The following PREP variants were observed in gnomAD, a reference collection of about 807,000 sequenced individuals.
PREP encodes the protein dJ355L5.1 (prolyl endopeptidase).
In PREP, 29 loss-of-function variants were observed where a neutral mutation model predicts 87.6. The observed-to-expected ratio is 0.33, with a 90% CI of 0.25 to 0.45. PREP has a LOEUF of 0.45. PREP is among the 20% of genes least tolerant of loss of function. PREP has a pLI of 1.00. For missense variants in PREP, 695 were observed against 886.5 expected, an observed-to-expected ratio of 0.78 and a Z score of 2.74; for synonymous variants, 337 against 328.6, an observed-to-expected ratio of 1.03 and a Z score of -0.28.
intron 10 of PREP, among the ~76,000 whole-genome samples, chr6:105,293,496 G>C (rs1770343284): frequency 6.6e-6 from 1 of 151,638 alleles, no homozygotes; most frequent in Non-Finnish European, 1.5e-5. Flanking sequence ...GAAGTATTTT[G>C]AGAATTATCA....
intron 13 of PREP, 140 bp downstream of exon 13, chr6:105,282,311 G>T: frequency 9.7e-7 from 1 of 1,027,108 alleles, no homozygotes; most frequent in Non-Finnish European, 1.4e-6. Flanking sequence ...AAATACAAAT[G>T]GTACAAATGG....
intron 7 of PREP, among the ~76,000 whole-genome samples, chr6:105,338,756 G>A (rs1177714862): frequency 1.3e-5 from 2 of 152,208 alleles, no homozygotes; most frequent in East Asian, 3.8e-4. Context: ...CCCCTGGCTC[G>A]GAGGGTCCCA....
intron 8 of PREP, among the ~76,000 whole-genome samples, chr6:105,329,718 C>A (rs1045878216): frequency 6.6e-6 from 1 of 152,196 alleles, no homozygotes; most frequent in African/African-American, 2.4e-5. Flanking sequence ...TTGTTATCCA[C>A]CAGATTCCCT....
In PREP at chr6:105,278,560, G is replaced by A; in HGVS notation, c.1839-122C>T. On this transcript the variant is annotated intron_variant, in intron 14 of 14. Coordinates refer to ENST00000652536, the MANE Select transcript of PREP (RefSeq NM_002726.5). This position sits in a 1 kb window ranked among gnomAD's most constrained non-coding sequence, Gnocchi z 4.2. ...AACTAGTACGTGAGTGACCACCATG[G>A]ACTGTGCCTATGCGTTACCATTTAG... 1 of 1,028,968 alleles carries A rather than the reference G, an allele frequency of 9.7e-7. No individual in the cohort carries two copies. Among genetic ancestry groups the A allele is most frequent in the East Asian group, 2.5e-5 (1 of 39,650 alleles). The allele number at this position is 1,028,968 out of a possible 1,614,324, so 63.7% of individuals were successfully genotyped here.
intron 7 of PREP, among the ~76,000 whole-genome samples, chr6:105,347,555 T>C (rs1019496484): frequency 2.0e-5 from 3 of 152,252 alleles, no homozygotes; most frequent in South Asian, 2.1e-4. Flanking sequence ...AATGTATTTA[T>C]ATTTTTAAGG....
At chr6:105,329,826 G>A (rs911532587) in intron 8 of PREP, among the ~76,000 whole-genome samples, 24 of 152,218 alleles carry the variant, frequency 1.6e-4, no homozygotes, top group African/African-American at 5.8e-4. Context: ...ACAAGGATAA[G>A]TGACTGGTGG....
At chr6:105,369,108 C>T (rs1361486294) in intron 5 of PREP, 84 bp from the exon 6 acceptor site, 2 of 1,421,200 alleles carry the variant, frequency 1.4e-6, no homozygotes, top group Non-Finnish European at 1.9e-6. Context: ...ATGCTAGACA[C>T]ATTTAACAAG....
intron 10 of PREP, among the ~76,000 whole-genome samples, chr6:105,305,865 G>A (rs185520441): frequency 8.9e-4 from 133 of 150,190 alleles, no homozygotes; most frequent in African/African-American, 3.0e-3. Flanking sequence ...GGGGGGGACA[G>A]GTTCTGACTC....
chr6:105,289,092 T>C (rs551349146), intron 10 of PREP, among the ~76,000 whole-genome samples, 198 bp from the exon 11 acceptor site: 2 of 152,296 alleles, frequency 1.3e-5, no homozygotes, highest in South Asian at 2.1e-4. Flanking sequence ...GAGGCTGCGT[T>C]TGAAAACAGG....
At chr6:105,393,663 AT>A (rs1169352629) in intron 2 of PREP, among the ~76,000 whole-genome samples, 2 of 152,212 alleles carry the variant, frequency 1.3e-5, no homozygotes, top group African/African-American at 4.8e-5. Flanking sequence ...AAAAAAATTA[AT>A]TTCAATAATA....
intron 10 of PREP, among the ~76,000 whole-genome samples, chr6:105,313,462 G>T (rs1442465608): frequency 1.3e-5 from 2 of 152,180 alleles, no homozygotes; most frequent in Non-Finnish European, 2.9e-5. Flanking sequence ...TGCCCCGGGG[G>T]TTTAAGAAAA....
At chr6:105,295,764 TTC>T (rs1055022388) in intron 10 of PREP, among the ~76,000 whole-genome samples, 2 of 152,238 alleles carry the variant, frequency 1.3e-5, no homozygotes, top group Non-Finnish European at 2.9e-5. Flanking sequence ...CTATGATTCA[TTC>T]TCTCTCCTCT....
intron 6 of PREP, among the ~76,000 whole-genome samples, chr6:105,354,516 G>A (rs1772040653): frequency 6.7e-6 from 1 of 149,168 alleles, no homozygotes; most frequent in South Asian, 2.2e-4. Flanking sequence ...TTAGATGTTT[G>A]TGAAGTTTTT....
At chr6:105,331,648 G>A (rs551218828) in intron 8 of PREP, among the ~76,000 whole-genome samples, 2 of 152,262 alleles carry the variant, frequency 1.3e-5, no homozygotes, top group African/African-American at 4.8e-5. Context: ...CTACCCTTAG[G>A]GGGACATCCC....
At chr6:105,312,870 C>T (rs765423989) in intron 10 of PREP, among the ~76,000 whole-genome samples, 2 of 152,046 alleles carry the variant, frequency 1.3e-5, no homozygotes, top group Non-Finnish European at 2.9e-5. Context: ...TCCGGGGCTA[C>T]GGGGCGGCAC....
At chr6:105,318,819 G>A (rs906048676) in intron 10 of PREP, among the ~76,000 whole-genome samples, 2 of 152,104 alleles carry the variant, frequency 1.3e-5, no homozygotes, top group African/African-American at 4.8e-5. Flanking sequence ...ACACGAACAC[G>A]CTGCTATGGG....
intron 2 of PREP, among the ~76,000 whole-genome samples, chr6:105,382,044 A>T (rs906867426): frequency 2.0e-5 from 3 of 152,124 alleles, no homozygotes; most frequent in Admixed American, 1.3e-4. Context: ...CTACGAAATA[A>T]GCCAGGCACG....
intron 11 of PREP, among the ~76,000 whole-genome samples, chr6:105,287,017 A>G (rs972941366): frequency 1.3e-5 from 2 of 151,614 alleles, no homozygotes; most frequent in Non-Finnish European, 2.9e-5. Flanking sequence ...CATCACTGTG[A>G]GTTAAAACTG....
At chr6:105,394,334 T>C (rs1333237295) in intron 2 of PREP, among the ~76,000 whole-genome samples, 1 of 152,210 alleles carries the variant, frequency 6.6e-6, no homozygotes, top group African/African-American at 2.4e-5. Flanking sequence ...TTGCAGAGCT[T>C]TGACCAATTC....
Sources: gnomAD v4.1 joint callset for allele counts (sites outside exome capture counted in the v4.1 genomes callset) on GRCh38, gnomAD v4.1.1 for gene constraint, Gnocchi (gnomAD v3.1) non-coding constraint, MANE v1.5 for transcripts, NCBI Gene and HGNC (gene_info 2026-07-23, HGNC 2026-07-21) for gene names.